Variants in MBOAT1 observed in about 807,000 individuals in gnomAD.
The protein encoded by MBOAT1 is membrane-bound glycerophospholipid O-acyltransferase 1.
Under a neutral mutation model 64.4 loss-of-function variants are expected in MBOAT1, and 67 were observed. The ratio of observed to expected loss-of-function variants is 1.04; its 90% CI spans 0.85 to 1.27. The LOEUF is 1.27. Among genes scored for constraint, MBOAT1 ranks in the 50% most tolerant of loss-of-function variants. The pLI, the probability that MBOAT1 is intolerant of heterozygous loss-of-function variation, is 0.00. For synonymous variants in MBOAT1, 229 were observed against 218.9 expected (o/e 1.05, Z -0.41); for missense variants, 563 against 604.6 (o/e 0.93, Z 0.72).
chr6:20,173,716 C>T (rs189430057), intron 1 of MBOAT1, among the ~76,000 whole-genome samples: 3 of 152,020 alleles, frequency 2.0e-5, no homozygotes, highest in East Asian at 1.9e-4. Context: ...TTTGGGAGGC[C>T]GAGGCGGGTG....
rs147582684 is a variant in MBOAT1 at position 20,209,804 on chromosome 6, C to T, written c.99+2332G>A. Among the ~76,000 whole-genome samples the T allele has an allele frequency of 3.2e-3, 483 of 152,298 alleles. 2 individuals carry two copies. The highest frequency in any genetic ancestry group is 0.011 in the African/African-American group (451 of 41,564). On this transcript the variant is annotated intron_variant, in intron 1 of 12. Transcript: ENST00000324607. ...CCACCTTTATCCTCCCTATCCTGTGCCACAGGAGGAGCCCCTGCAGGCTGA... is the reference window on the plus strand; with the variant it reads ...CCACCTTTATCCTCCCTATCCTGTGTCACAGGAGGAGCCCCTGCAGGCTGA...
chr6:20,206,060 CCTT>C (rs1334717403), intron 1 of MBOAT1, among the ~76,000 whole-genome samples: 1 of 152,222 alleles, frequency 6.6e-6, no homozygotes, highest in East Asian at 1.9e-4. Flanking sequence ...CCACTGCTGA[CCTT>C]CTTCACAAAG....
intron 4 of MBOAT1, among the ~76,000 whole-genome samples, chr6:20,136,634 G>A (rs912714406): frequency 1.1e-4 from 17 of 152,146 alleles, no homozygotes; most frequent in Non-Finnish European, 2.2e-4. Context: ...GATCTCTATC[G>A]CTAGCAAGAG....
Position 20,102,102 on chromosome 6 carries a change from G to A in MBOAT1, c.*184C>T, listed in dbSNP as rs944065046. Reference sequence around the variant, plus strand: ...TGCACTCCAGCCTGGGCGACAGAGCGAGACTCCGTCTCAAAAAAAAAAAAA... The same window carrying A: ...TGCACTCCAGCCTGGGCGACAGAGCAAGACTCCGTCTCAAAAAAAAAAAAA... On this transcript the variant is annotated 3_prime_UTR_variant, in exon 13 of 13. Transcript: ENST00000324607. 1.7e-5 allele frequency: 6 copies of A among 349,738 alleles called. No individual in the cohort carries two copies. Among genetic ancestry groups the A allele is most frequent in the Non-Finnish European group, 1.7e-5 (4 of 239,560 alleles). 21.7% of individuals were successfully genotyped at this position (349,738 alleles called of 1,614,324 possible). A position where few individuals can be genotyped will look rare whatever the true frequency, so the allele number is the denominator to read the frequency against.
In MBOAT1 at chr6:20,100,273, C is replaced by T. The variant is rs1759751973; in HGVS notation, c.*2013G>A. On this transcript the variant is annotated 3_prime_UTR_variant, in exon 13 of 13. Coordinates refer to ENST00000324607, the MANE Select transcript of MBOAT1 (RefSeq NM_001080480.3). ...TGTAATATGATTATTCCACATACTC[C>T]ACACCAATGGTAATATTTACCATTT... 6.6e-6 allele frequency among the ~76,000 whole-genome samples: 1 copy of T among 152,124 alleles called. No individual in the cohort carries two copies. Among genetic ancestry groups the T allele is most frequent in the South Asian group, 2.1e-4 (1 of 4,816 alleles).
chr6:20,130,456 C>G (rs7748456), intron 5 of MBOAT1, among the ~76,000 whole-genome samples: 8 of 152,092 alleles, frequency 5.3e-5, no homozygotes, highest in African/African-American at 1.9e-4. Flanking sequence ...CGGGTTCAAG[C>G]GATTCTCCTG....
rs1174816793 is a variant in MBOAT1 at position 20,192,995 on chromosome 6, C to CTT, written c.99+19139_99+19140dup. Reference sequence around the variant, plus strand: ...TTATTCAGCTGGTATGCTATAATTTCTTTTTTTTTTTTTTTTTTTTTTTTT... The same window carrying CTT: ...TTATTCAGCTGGTATGCTATAATTTCTTTTTTTTTTTTTTTTTTTTTTTTTTT... On this transcript the variant is annotated intron_variant, in intron 1 of 12. Coordinates refer to ENST00000324607, the MANE Select transcript of MBOAT1 (RefSeq NM_001080480.3). 6.9e-3 allele frequency among the ~76,000 whole-genome samples: 379 copies of CTT among 55,012 alleles called. 97 individuals carry two copies. Among genetic ancestry groups the CTT allele is most frequent in the African/African-American group, 0.015 (243 of 15,760 alleles). 36.1% of individuals were successfully genotyped at this position (55,012 alleles called of 152,430 possible). A position where few individuals can be genotyped will look rare whatever the true frequency, so the allele number is the denominator to read the frequency against.
At chr6:20,137,182 G>T (rs546316686) in intron 4 of MBOAT1, among the ~76,000 whole-genome samples, 1 of 152,254 alleles carries the variant, frequency 6.6e-6, no homozygotes, top group East Asian at 1.9e-4. Flanking sequence ...CTGCCTTCCA[G>T]AAGAGTTATG....
intron 1 of MBOAT1, among the ~76,000 whole-genome samples, chr6:20,170,112 G>A (rs1762147613): frequency 6.6e-6 from 1 of 152,152 alleles, no homozygotes; most frequent in Non-Finnish European, 1.5e-5. Flanking sequence ...TTTGAGGGCA[G>A]TTCCCCTGTT....
rs1474929341 is a variant in MBOAT1 at position 20,100,851 on chromosome 6, CACA to C, written c.*1432_*1434del. Among the ~76,000 whole-genome samples the C allele has an allele frequency of 6.6e-6, 1 of 151,932 alleles. No individual in the cohort carries two copies. Among genetic ancestry groups the C allele is most frequent in the Non-Finnish European group, 1.5e-5 (1 of 68,004 alleles). ...TATTATTATCATCATTATTATTTTC[CACA>C]ACATTTAATACCAAGTTTCCTTCTC... On this transcript the variant is annotated 3_prime_UTR_variant, in exon 13 of 13. Transcript: ENST00000324607.
chr6:20,108,531 C>A (rs993661217), intron 12 of MBOAT1, among the ~76,000 whole-genome samples: 1 of 152,216 alleles, frequency 6.6e-6, no homozygotes, highest in Non-Finnish European at 1.5e-5. Flanking sequence ...AATCATCCCA[C>A]TTATAGACAC....
At chr6:20,183,681 G>A (rs1762569389) in intron 1 of MBOAT1, among the ~76,000 whole-genome samples, 2 of 152,246 alleles carry the variant, frequency 1.3e-5, no homozygotes, top group Admixed American at 1.3e-4. Context: ...CAGAACAGTT[G>A]TGACTGCACA....
At chr6:20,187,655 G>T (rs843330) in intron 1 of MBOAT1, among the ~76,000 whole-genome samples, 61,565 of 152,150 alleles carry the variant, frequency 0.4, 13,975 homozygotes, top group Admixed American at 0.56. Context: ...CTGGATTCAT[G>T]AATATGAAAG....
chr6:20,139,535 C>G (rs967612129), intron 4 of MBOAT1, among the ~76,000 whole-genome samples: 1 of 145,694 alleles, frequency 6.9e-6, no homozygotes, highest in Admixed American at 7.0e-5. Flanking sequence ...AAAATACACT[C>G]ACATTTTAAC....
intron 1 of MBOAT1, among the ~76,000 whole-genome samples, chr6:20,185,618 A>C (rs1227350522): frequency 1.3e-5 from 2 of 152,172 alleles, no homozygotes; most frequent in Non-Finnish European, 2.9e-5. Flanking sequence ...ACAAATACAC[A>C]CATACACACC....
chr6:20,122,613 G>C (rs1760525875), intron 8 of MBOAT1, among the ~76,000 whole-genome samples: 1 of 152,116 alleles, frequency 6.6e-6, no homozygotes, highest in South Asian at 2.1e-4. Flanking sequence ...AACTTATGCA[G>C]GAACATTTTG....
intron 1 of MBOAT1, among the ~76,000 whole-genome samples, chr6:20,186,714 T>C (rs1762665122): frequency 6.6e-6 from 1 of 152,218 alleles, no homozygotes; most frequent in Admixed American, 6.5e-5. Flanking sequence ...AAACTGTATC[T>C]GGGTCTGGGA....
chr6:20,145,774 T>C (rs574519371), intron 3 of MBOAT1, among the ~76,000 whole-genome samples: 4 of 152,362 alleles, frequency 2.6e-5, no homozygotes, highest in African/African-American at 9.6e-5. Flanking sequence ...TTCTTCTGAC[T>C]GCAATTCCCA....
chr6:20,168,142 A>G (rs1161893657), intron 1 of MBOAT1, among the ~76,000 whole-genome samples: 2 of 152,186 alleles, frequency 1.3e-5, no homozygotes, highest in East Asian at 3.8e-4. Context: ...ATTGTGCTTT[A>G]AAGAGGCCAC....
Sources: gnomAD v4.1 joint callset for allele counts (sites outside exome capture counted in the v4.1 genomes callset) on GRCh38, gnomAD v4.1.1 for gene constraint, MANE v1.5 for transcripts, NCBI Gene and HGNC (gene_info 2026-07-23, HGNC 2026-07-21) for gene names.